MEMO1: variants seen among roughly 807,000 people sequenced by gnomAD.
MEMO1 encodes the protein mediator of cell motility 1, also known as protein MEMO1.
Under a neutral mutation model 45.2 loss-of-function variants are expected in MEMO1, and 6 were observed. The observed-to-expected ratio is 0.13, with a 90% confidence interval of 0.07 to 0.26. The LOEUF is 0.26. Among genes scored for constraint, MEMO1 ranks in the 10% least tolerant of loss-of-function variants. The pLI, the probability that MEMO1 is intolerant of heterozygous loss-of-function variation, is 1.00. For missense variants in MEMO1, 184 were observed against 370.5 expected (o/e 0.50, Z 4.13); for synonymous variants, 78 against 124.3 (o/e 0.63, Z 2.48).
intron 4 of MEMO1, among the ~76,000 whole-genome samples, chr2:31,930,616 G>C (rs1020940029): frequency 1.3e-5 from 2 of 151,952 alleles, no homozygotes; most frequent in Non-Finnish European, 2.9e-5. Context: ...CTGGTTTATA[G>C]GCCCAAGTCA....
intron 2 of MEMO1, among the ~76,000 whole-genome samples, chr2:31,973,957 T>C (rs996674354): frequency 3.9e-5 from 6 of 152,236 alleles, no homozygotes; most frequent in African/African-American, 1.4e-4. Flanking sequence ...TGCTAATTTG[T>C]ATTATATGAA....
chr2:31,978,968 CAA>C (rs534353815), intron 2 of MEMO1, among the ~76,000 whole-genome samples: 4 of 151,566 alleles, frequency 2.6e-5, no homozygotes, highest in African/African-American at 9.7e-5. Context: ...CATCCCCCCC[CAA>C]AAAAAAGTCT....
At chr2:31,995,039 C>T (rs1036730108) in intron 2 of MEMO1, among the ~76,000 whole-genome samples, 16 of 151,330 alleles carry the variant, frequency 1.1e-4, no homozygotes, top group African/African-American at 3.9e-4. Flanking sequence ...GCAAACATGA[C>T]CAATAAACAG....
chr2:31,948,728 G>A (rs192197437), intron 2 of MEMO1, among the ~76,000 whole-genome samples: 28 of 152,204 alleles, frequency 1.8e-4, no homozygotes, highest in Admixed American at 1.5e-3. Flanking sequence ...CCGAAACCCC[G>A]TCTCTACTAA....
At chr2:31,896,821 A>C (rs1238737145) in intron 6 of MEMO1, among the ~76,000 whole-genome samples, 1 of 152,254 alleles carries the variant, frequency 6.6e-6, no homozygotes, top group Non-Finnish European at 1.5e-5. Context: ...ACAAATTACC[A>C]AAATAAAAAT....
chr2:31,955,120 T>C (rs1324558690), intron 2 of MEMO1, among the ~76,000 whole-genome samples: 4 of 151,800 alleles, frequency 2.6e-5, no homozygotes, highest in Admixed American at 6.6e-5. Flanking sequence ...CGCATGCCTG[T>C]AGTACTACTC....
At chr2:31,873,135 T>C (rs1023730536) in intron 8 of MEMO1, among the ~76,000 whole-genome samples, 1 of 152,150 alleles carries the variant, frequency 6.6e-6, no homozygotes, top group East Asian at 1.9e-4. Context: ...GAGTAGAAGA[T>C]ATGATCAGTA....
chr2:31,880,839 C>T (rs1007367904), intron 8 of MEMO1, among the ~76,000 whole-genome samples: 4 of 151,840 alleles, frequency 2.6e-5, no homozygotes, highest in African/African-American at 7.3e-5. Flanking sequence ...GACAACATGG[C>T]GAAACCCCAT....
chr2:31,972,267 T>A (rs946165716), intron 2 of MEMO1, among the ~76,000 whole-genome samples: 2 of 152,184 alleles, frequency 1.3e-5, no homozygotes, highest in Admixed American at 6.5e-5. Context: ...TCGTTTTCAA[T>A]TCCCCACCTT....
chr2:31,969,701 C>T (rs1465381802), intron 2 of MEMO1, among the ~76,000 whole-genome samples: 1 of 149,304 alleles, frequency 6.7e-6, no homozygotes, highest in African/African-American at 2.5e-5. Flanking sequence ...CCTCAAACTC[C>T]TGGAAACAAG....
intron 2 of MEMO1, among the ~76,000 whole-genome samples, chr2:31,956,214 T>C (rs1572802551): frequency 6.6e-6 from 1 of 152,212 alleles, no homozygotes; most frequent in East Asian, 1.9e-4. Flanking sequence ...TCAGGATAAT[T>C]CAGTACTCAA....
intron 7 of MEMO1, among the ~76,000 whole-genome samples, chr2:31,890,814 G>A (rs1016738487): frequency 1.6e-4 from 25 of 152,234 alleles, no homozygotes; most frequent in African/African-American, 6.0e-4. Flanking sequence ...GATACCATTA[G>A]TATTGCCACC....
At chr2:31,969,871 T>C (rs1669175812) in intron 2 of MEMO1, among the ~76,000 whole-genome samples, 1 of 151,816 alleles carries the variant, frequency 6.6e-6, no homozygotes, top group Non-Finnish European at 1.5e-5. Flanking sequence ...GCTGGGATTA[T>C]AGGCGTGAGC....
At chr2:31,930,003 T>C (rs1054903674) in intron 4 of MEMO1, among the ~76,000 whole-genome samples, 1 of 152,254 alleles carries the variant, frequency 6.6e-6, no homozygotes, top group Non-Finnish European at 1.5e-5. Flanking sequence ...CTCATGCCTG[T>C]AATCCCAGCA....
intron 2 of MEMO1, among the ~76,000 whole-genome samples, chr2:31,961,881 C>T (rs1668046027): frequency 6.6e-6 from 1 of 152,008 alleles, no homozygotes; most frequent in Non-Finnish European, 1.5e-5. Context: ...TCCTCAAGGT[C>T]ACATGACTAG....
chr2:31,915,881 T>C, intron 6 of MEMO1, among the ~76,000 whole-genome samples: 1 of 152,314 alleles, frequency 6.6e-6, no homozygotes, highest in Admixed American at 6.5e-5. Flanking sequence ...AAGTTACTTT[T>C]ACTTAGTAAA....
intron 8 of MEMO1, among the ~76,000 whole-genome samples, chr2:31,882,845 C>A (rs568596438): frequency 6.6e-6 from 1 of 152,218 alleles, no homozygotes; most frequent in South Asian, 2.1e-4. Context: ...ATTCCTCCAA[C>A]AGAATACAGA....
intron 2 of MEMO1, among the ~76,000 whole-genome samples, chr2:31,982,642 C>A (rs1432479771): frequency 2.0e-5 from 3 of 148,948 alleles, no homozygotes; most frequent in Admixed American, 1.3e-4. Flanking sequence ...CCCAAAGTTA[C>A]TTAACTTTGG....
At chr2:31,961,760 A>G (rs139643482) in intron 2 of MEMO1, among the ~76,000 whole-genome samples, 72 of 152,186 alleles carry the variant, frequency 4.7e-4, no homozygotes, top group African/African-American at 1.7e-3. Flanking sequence ...CCTGGGTGAC[A>G]AAGTGAGACC....
Sources: allele counts gnomAD v4.1 joint callset (sites outside exome capture counted in the v4.1 genomes callset), GRCh38; gene constraint gnomAD v4.1.1; transcripts MANE v1.5; gene names NCBI Gene and HGNC (gene_info 2026-07-23, HGNC 2026-07-21).